ASXL1: variants seen among roughly 807,000 people sequenced by gnomAD.
ASXL1 encodes the protein polycomb group protein ASXL1.
Under a neutral mutation model 89.1 loss-of-function variants are expected in ASXL1, and 65 were observed. That is an observed-to-expected ratio of 0.73 (90% CI 0.60 to 0.90). The LOEUF is 0.90. Ranked by LOEUF, ASXL1 falls within the 40% of genes least tolerant of loss-of-function variation. ASXL1 has a pLI of 0.00. For synonymous variants in ASXL1, 739 were observed against 746.9 expected (o/e 0.99, Z 0.17); for missense variants, 1,786 against 1,942.9 (o/e 0.92, Z 1.52).
chr20:32,405,908 C>A (rs1600534624), intron 4 of ASXL1, among the ~76,000 whole-genome samples: 1 of 152,028 alleles, frequency 6.6e-6, no homozygotes, highest in Non-Finnish European at 1.5e-5. Context: ...TTTACCCCCA[C>A]CCCTTTTTTT....
intron 1 of ASXL1, chr20:32,359,459 G>C (rs1190329991): frequency 1.4e-6 from 1 of 693,610 alleles, no homozygotes. Flanking sequence ...CCCTTCGTAA[G>C]ACCTGCTGAG....
rs1216587670 is a variant in ASXL1, at chr20:32,437,359, CATT to C, written c.*22_*24del. ...GATAATAAATTATGGCCATGGGAAACATTGTATATTTAGTGTGTGTATTTTGAT... is the reference window on the plus strand; with the variant it reads ...GATAATAAATTATGGCCATGGGAAACGTATATTTAGTGTGTGTATTTTGAT... On this transcript the variant is annotated 3_prime_UTR_variant, in exon 13 of 13. Coordinates refer to ENST00000375687, the MANE Select transcript of ASXL1 (RefSeq NM_015338.6). 7 of 1,609,424 alleles carry C rather than the reference CATT, an allele frequency of 4.3e-6. No homozygotes were observed. The highest frequency in any genetic ancestry group is 6.0e-6 in the Non-Finnish European group (7 of 1,176,052).
intron 10 of ASXL1, chr20:32,432,582 C>T (rs540679925): frequency 2.7e-6 from 1 of 369,662 alleles, no homozygotes; most frequent in Non-Finnish European, 5.2e-6. Flanking sequence ...TTTAAGTAGG[C>T]CTTTCTAAGA....
At chr20:32,375,405 C>T (rs2048360545) in intron 4 of ASXL1, among the ~76,000 whole-genome samples, 1 of 150,852 alleles carries the variant, frequency 6.6e-6, no homozygotes, top group African/African-American at 2.4e-5. Context: ...GCCGAGATGG[C>T]ACCACTGCAC....
intron 4 of ASXL1, among the ~76,000 whole-genome samples, chr20:32,369,600 A>G (rs1569243368): frequency 6.6e-6 from 1 of 151,788 alleles, no homozygotes; most frequent in East Asian, 1.9e-4. Context: ...AATATGAATC[A>G]GATATTAGAA....
intron 4 of ASXL1, among the ~76,000 whole-genome samples, chr20:32,420,718 A>T (rs1200272342): frequency 5.3e-5 from 8 of 152,188 alleles, no homozygotes; most frequent in South Asian, 2.1e-4. Flanking sequence ...GTATTTGTAA[A>T]AGGAATACGT....
At position 32,436,519 on chromosome 20, in the gene ASXL1, G is replaced by C. The variant is rs199834454; in HGVS notation, c.3807G>C (p.Ser1269=). 6.8e-6 allele frequency: 11 copies of C among 1,614,106 alleles called. No homozygotes were observed. Among genetic ancestry groups the C allele is most frequent in the African/African-American group, 2.7e-5 (2 of 74,940 alleles). ...AGAGCCCAGGAGATCTTACTACCTC[G>C]AGAACACCTCGTTTCTCATCTCCAA... The part of the protein sequence containing the change: ...PGKSPGDLTT[S]RTPRFSSPNV... Residue 1269 remains serine, a synonymous_variant, in exon 13 of 13, where the codon TCG becomes TCC. Coordinates refer to ENST00000375687, the MANE Select transcript of ASXL1 (RefSeq NM_015338.6).
At chr20:32,400,565 C>A (rs1203433197) in intron 4 of ASXL1, among the ~76,000 whole-genome samples, 1 of 152,086 alleles carries the variant, frequency 6.6e-6, no homozygotes, top group African/African-American at 2.4e-5. Context: ...GTTCATAATT[C>A]TTTTGGGTGT....
rs762877453 is a variant in ASXL1, at chr20:32,369,011, A to G, written c.144-4A>G. 6.2e-7 allele frequency: 1 copy of G among 1,608,870 alleles called. No individual in the cohort carries two copies. The highest frequency in any genetic ancestry group is 1.7e-4 in the Middle Eastern group (1 of 6,054). On this transcript the variant is annotated splice_polypyrimidine_tract_variant and splice_region_variant and intron_variant, in intron 3 of 12. Transcript: ENST00000375687. ...CCCTCATCCATTCTTTTGTGGTTTT[A>G]CAGTGGGACTTCCCCTCTCGCATGC... is the stretch of plus-strand genomic sequence containing the variant.
chr20:32,429,954 A>G lies in ASXL1; in HGVS notation c.619A>G (p.Ser207Gly), dbSNP rs1318312862. 6 of 1,608,856 alleles carry G rather than the reference A, an allele frequency of 3.7e-6. No individual in the cohort carries two copies. The highest frequency in any genetic ancestry group is 1.1e-5 in the South Asian group (1 of 91,012). Residue 207 changes from serine (S) to glycine (G), a missense_variant, in exon 8 of 13, where the codon AGC (serine) becomes GGC (glycine). Ser to Gly is a moderately conservative substitution (Grantham distance 56). Coordinates refer to ENST00000375687, the MANE Select transcript of ASXL1 (RefSeq NM_015338.6). This position sits in a 1 kb window ranked among gnomAD's most constrained non-coding sequence, Gnocchi z 4.9. ...GESGSPSSSS[S>G]GSLALGSAAI... ...GAGCGGCAGCCCGTCCAGCAGCAGC[A>G]GCGGCTCTCTGGCCCTGGGCAGCGC...
chr20:32,382,617 A>C lies in ASXL1; in HGVS notation c.252+13494A>C, dbSNP rs186001377. 6.6e-5 allele frequency among the ~76,000 whole-genome samples: 10 copies of C among 151,072 alleles called. 1 individual carries two copies. The East Asian group carries it at 2.0e-3, about 29-fold the overall frequency. On this transcript the variant is annotated intron_variant, in intron 4 of 12. Coordinates refer to ENST00000375687, the MANE Select transcript of ASXL1 (RefSeq NM_015338.6). ...GGAGACCTCGTCTCTACAAAAAAAAAAAAAAAAAAACAAAACCTGTTAGCC... is the reference window on the plus strand; with the variant it reads ...GGAGACCTCGTCTCTACAAAAAAAACAAAAAAAAAACAAAACCTGTTAGCC...
At chr20:32,386,472 C>T (rs185373903) in intron 4 of ASXL1, among the ~76,000 whole-genome samples, 2 of 151,638 alleles carry the variant, frequency 1.3e-5, no homozygotes, top group Admixed American at 1.3e-4. Context: ...GGCTGGAGTG[C>T]AGTGGCATGA....
At chr20:32,412,174 C>T (rs531358694) in intron 4 of ASXL1, among the ~76,000 whole-genome samples, 2 of 152,246 alleles carry the variant, frequency 1.3e-5, no homozygotes, top group African/African-American at 4.8e-5. Context: ...ATACTAATAC[C>T]TTGAAATTAG....
At position 32,436,834 on chromosome 20, in the gene ASXL1, G is replaced by C. The variant is rs372643354; in HGVS notation, c.4122G>C (p.Val1374=). The change falls in exon 13 of 13, where the codon GTG becomes GTC. Residue 1374 remains valine, a synonymous_variant. Coordinates refer to ENST00000375687, the MANE Select transcript of ASXL1 (RefSeq NM_015338.6). The stretch of plus-strand genomic sequence containing the variant: ...GCGTCAAGAATGAGAAGACTTTTGT[G>C]GGGGGTCCTCTTAAGGCAAATGCCG... ...VGSVKNEKTF[V]GGPLKANAEN... is the part of the protein sequence containing the mutation. 16 of 1,614,042 alleles carry C rather than the reference G, an allele frequency of 9.9e-6. No homozygotes were observed. The highest frequency in any genetic ancestry group is 2.7e-5 in the African/African-American group (2 of 74,920).
intron 1 of ASXL1, among the ~76,000 whole-genome samples, chr20:32,362,120 A>G (rs1569233465): frequency 2.0e-5 from 3 of 152,232 alleles, no homozygotes; most frequent in East Asian, 1.9e-4. Context: ...AGTTGCTGTA[A>G]CACTGTACTG....
chr20:32,402,882 T>A (rs1285013795), intron 4 of ASXL1, among the ~76,000 whole-genome samples: 1 of 152,228 alleles, frequency 6.6e-6, no homozygotes, highest in Non-Finnish European at 1.5e-5. Flanking sequence ...ATCTTTTAAT[T>A]TGCCTAAGAG....
chr20:32,366,526 T>G (rs1452176942), intron 2 of ASXL1, 60 bp downstream of exon 2: 2 of 1,612,658 alleles, frequency 1.2e-6, no homozygotes, highest in Non-Finnish European at 1.7e-6. Context: ...CTTTCTGTAG[T>G]TGTAGTGATA....
At chr20:32,428,477 A>C (rs1289245474) in intron 6 of ASXL1, 55 bp downstream of exon 6, 5 of 1,474,820 alleles carry the variant, frequency 3.4e-6, no homozygotes, top group Non-Finnish European at 4.7e-6. Flanking sequence ...GGTATAAGGC[A>C]AGATCCCTCC....
chr20:32,359,689 C>T (rs967132072), intron 1 of ASXL1: 2 of 717,892 alleles, frequency 2.8e-6, no homozygotes, highest in African/African-American at 1.7e-5. Context: ...ACGTTGTTCA[C>T]TGAGGATTTA....
Sources: allele counts gnomAD v4.1 joint callset (sites outside exome capture counted in the v4.1 genomes callset), GRCh38; gene constraint gnomAD v4.1.1; non-coding constraint Gnocchi (gnomAD v3.1); transcripts MANE v1.5; gene names NCBI Gene and HGNC (gene_info 2026-07-23, HGNC 2026-07-21).